SLC14A2: variants seen among roughly 807,000 people sequenced by gnomAD.
SLC14A2 encodes the protein urea transporter 2.
In SLC14A2, 91 loss-of-function variants were observed where a neutral mutation model predicts 104.6. The ratio of observed to expected loss-of-function variants is 0.87; its 90% CI spans 0.73 to 1.04. The LOEUF (loss-of-function observed/expected upper bound fraction) is 1.04, where lower values mean the gene tolerates loss of function less well. SLC14A2 is among the 50% of genes least tolerant of loss of function. The pLI is 0.00. For missense variants in SLC14A2, 1,189 were observed against 1,156.0 expected (o/e 1.03, Z -0.41); for synonymous variants, 476 against 466.4 (o/e 1.02, Z -0.27).
chr18:45,371,069 A>G (rs1279280195), intron 1 of SLC14A2, among the ~76,000 whole-genome samples: 1 of 152,100 alleles, frequency 6.6e-6, no homozygotes, highest in African/African-American at 2.4e-5. Context: ...AAAACAAAGC[A>G]ACACCCCCAA....
At chr18:45,633,140 G>T (rs879761997) in intron 5 of SLC14A2, among the ~76,000 whole-genome samples, 1 of 152,182 alleles carries the variant, frequency 6.6e-6, no homozygotes, top group Non-Finnish European at 1.5e-5. Flanking sequence ...GGCTACATTT[G>T]CCATCAGTTT....
chr18:45,252,874 GAAC>G (rs1313805280), intron 1 of SLC14A2, among the ~76,000 whole-genome samples: 1 of 149,314 alleles, frequency 6.7e-6, no homozygotes, highest in African/African-American at 2.5e-5. Flanking sequence ...GGCTGGGATA[GAAC>G]AAAAGTCACA....
intron 1 of SLC14A2, among the ~76,000 whole-genome samples, chr18:45,228,874 G>C (rs2084146455): frequency 6.6e-6 from 1 of 152,136 alleles, no homozygotes; most frequent in South Asian, 2.1e-4. Flanking sequence ...TGTCTCACCT[G>C]AACCTCATGC....
At chr18:45,511,131 G>T (rs2043360645) in intron 2 of SLC14A2, among the ~76,000 whole-genome samples, 1 of 151,916 alleles carries the variant, frequency 6.6e-6, no homozygotes, top group Non-Finnish European at 1.5e-5. Context: ...TTCTGCAAGG[G>T]GCATTATCTG....
chr18:45,414,757 A>AAAAAAATATATATATATATAT (rs1360051908), intron 1 of SLC14A2, among the ~76,000 whole-genome samples: 8 of 76,112 alleles, frequency 1.1e-4, no homozygotes, highest in Admixed American at 5.1e-4. Context: ...AAAAAAAAAA[A>AAAAAAATATATATATATATAT]ATATATATAT....
intron 1 of SLC14A2, among the ~76,000 whole-genome samples, chr18:45,619,013 C>T (rs778490449): frequency 4.6e-5 from 7 of 152,182 alleles, no homozygotes; most frequent in Non-Finnish European, 8.8e-5. Context: ...GTTTTTCTAA[C>T]CATTGGAAGA....
chr18:45,424,805 A>G (rs1458322461), intron 1 of SLC14A2, among the ~76,000 whole-genome samples: 1 of 152,154 alleles, frequency 6.6e-6, no homozygotes, highest in Admixed American at 6.5e-5. Context: ...GCCTTTTCCA[A>G]CTCCAACTTC....
At chr18:45,265,916 A>T (rs2084587725) in intron 1 of SLC14A2, among the ~76,000 whole-genome samples, 1 of 152,204 alleles carries the variant, frequency 6.6e-6, no homozygotes, top group Admixed American at 6.5e-5. Flanking sequence ...ATAAACAAAA[A>T]TCCTTGCCAT....
intron 1 of SLC14A2, among the ~76,000 whole-genome samples, chr18:45,336,126 T>C (rs1169452923): frequency 6.6e-6 from 1 of 152,120 alleles, no homozygotes; most frequent in African/African-American, 2.4e-5. Flanking sequence ...AGCTTTTGCT[T>C]TGAAAATGGA....
chr18:45,247,110 C>G (rs917963200), intron 1 of SLC14A2, among the ~76,000 whole-genome samples: 2 of 152,148 alleles, frequency 1.3e-5, no homozygotes, highest in African/African-American at 4.8e-5. Flanking sequence ...TCTTCCCACC[C>G]TGACACCCTC....
At chr18:45,349,317 C>G (rs1056090384) in intron 1 of SLC14A2, among the ~76,000 whole-genome samples, 2 of 152,126 alleles carry the variant, frequency 1.3e-5, no homozygotes, top group Admixed American at 6.5e-5. Flanking sequence ...ATCTATTTTC[C>G]TTTGTAGCCA....
intron 1 of SLC14A2, among the ~76,000 whole-genome samples, chr18:45,237,205 A>C (rs2084263766): frequency 6.6e-6 from 1 of 152,194 alleles, no homozygotes; most frequent in Admixed American, 6.5e-5. Flanking sequence ...TGAGGGCCCC[A>C]AATTCTCTCT....
chr18:45,675,709 A>ATATATATT (rs57989993), intron 18 of SLC14A2, among the ~76,000 whole-genome samples: 48 of 78,386 alleles, frequency 6.1e-4, no homozygotes, highest in East Asian at 2.1e-3. Context: ...ATATATATAT[A>ATATATATT]TTTTTTTTTT....
intron 1 of SLC14A2, among the ~76,000 whole-genome samples, chr18:45,429,116 A>G (rs2251541): frequency 0.24 from 36,017 of 152,178 alleles, 4,586 homozygotes; most frequent in South Asian, 0.42. Flanking sequence ...ATAGTGGAGG[A>G]TGGAAGAGAA....
chr18:45,455,792 T>A (rs1299531368), intron 1 of SLC14A2, among the ~76,000 whole-genome samples: 1 of 152,138 alleles, frequency 6.6e-6, no homozygotes, highest in Non-Finnish European at 1.5e-5. Flanking sequence ...AGCAATCCTA[T>A]AAACAGTTGA....
intron 10 of SLC14A2, among the ~76,000 whole-genome samples, chr18:45,649,533 C>T (rs2045693784): frequency 2.0e-5 from 3 of 152,272 alleles, no homozygotes; most frequent in African/African-American, 4.8e-5. Context: ...GAACATGTTA[C>T]ATTTTATTAC....
intron 17 of SLC14A2, 135 bp downstream of exon 17, chr18:45,673,182 T>C: frequency 1.1e-6 from 1 of 878,792 alleles, no homozygotes. Context: ...GTACCCTGTT[T>C]CTCCGTTTTT....
intron 1 of SLC14A2, among the ~76,000 whole-genome samples, chr18:45,441,853 T>C (rs2086686914): frequency 2.0e-5 from 3 of 152,168 alleles, no homozygotes; most frequent in Admixed American, 2.0e-4. Flanking sequence ...AACGAGAAGA[T>C]TGAAGAGGGA....
chr18:45,522,950 G>A (rs190305214), intron 2 of SLC14A2, among the ~76,000 whole-genome samples: 3 of 152,248 alleles, frequency 2.0e-5, no homozygotes, highest in Admixed American at 2.0e-4. Context: ...AAGTTCCAAC[G>A]CAGAGCATGC....
Sources: allele counts gnomAD v4.1 joint callset (sites outside exome capture counted in the v4.1 genomes callset), GRCh38; gene constraint gnomAD v4.1.1; transcripts MANE v1.5; gene names NCBI Gene and HGNC (gene_info 2026-07-23, HGNC 2026-07-21).